XIRP2: variants seen among roughly 807,000 people sequenced by gnomAD.
XIRP2 encodes xin actin-binding repeat-containing protein 2.
Under a neutral mutation model 277.0 loss-of-function variants are expected in XIRP2, and 236 were observed. That is an observed-to-expected ratio of 0.85 (90% confidence interval 0.77 to 0.95). The LOEUF (loss-of-function observed/expected upper bound fraction) is 0.95. Ranked by LOEUF, XIRP2 falls within the 40% of genes least tolerant of loss-of-function variation. XIRP2 has a pLI of 0.00. For missense variants in XIRP2, 4,640 were observed against 4,157.5 expected, an observed-to-expected ratio of 1.12 and a Z score of -3.19; for synonymous variants, 1,490 against 1,416.5, an observed-to-expected ratio of 1.05 and a Z score of -1.17.
chr2:167,126,352 G>A (rs2105309077), intron 2 of XIRP2, among the ~76,000 whole-genome samples: 1 of 152,242 alleles, frequency 6.6e-6, no homozygotes, highest in East Asian at 1.9e-4. Context: ...GGAAAGGTTG[G>A]TCAAGTGCCA....
chr2:166,981,243 C>G (rs939938952), intron 2 of XIRP2, among the ~76,000 whole-genome samples: 2 of 152,072 alleles, frequency 1.3e-5, no homozygotes, highest in African/African-American at 2.4e-5. Flanking sequence ...GTTATCAGGG[C>G]TATGCTCTTT....
intron 2 of XIRP2, among the ~76,000 whole-genome samples, chr2:167,116,650 CTT>C (rs1202341426): frequency 1.3e-5 from 2 of 152,034 alleles, no homozygotes; most frequent in Non-Finnish European, 2.9e-5. Context: ...ATATGTTAGA[CTT>C]TGTGTTTGAA....
chr2:167,036,004 C>A lies in XIRP2; in HGVS notation c.409-99905C>A, dbSNP rs556539304. ...CTACGTAGTGTTGACCCCTTGGGTA[C>A]ACAGAAGTCAAGATTTGAGTTTTGG... On this transcript the variant is annotated intron_variant, in intron 2 of 10. Transcript: ENST00000409195. 2.6e-5 allele frequency among the ~76,000 whole-genome samples: 4 copies of A among 152,314 alleles called. No homozygotes were observed. The East Asian group carries it at 7.7e-4, about 29-fold the overall frequency.
intron 3 of XIRP2, among the ~76,000 whole-genome samples, chr2:167,193,016 G>C (rs1479592): frequency 0.34 from 51,311 of 152,062 alleles, 11,199 homozygotes; most frequent in African/African-American, 0.63. Flanking sequence ...GTCACTGACT[G>C]ATTCTGGAAT....
intron 2 of XIRP2, among the ~76,000 whole-genome samples, chr2:166,913,318 C>CA (rs139652739): frequency 4.0e-5 from 6 of 149,260 alleles, no homozygotes; most frequent in Non-Finnish European, 7.5e-5. Context: ...GCACCCCCCC[C>CA]CCCCAGCCTC....
chr2:167,096,085 CTT>C (rs35975959), intron 2 of XIRP2, among the ~76,000 whole-genome samples: 14 of 149,460 alleles, frequency 9.4e-5, no homozygotes, highest in African/African-American at 2.9e-4. Context: ...GGAAGTCCCT[CTT>C]TTTTTTTATT....
Position 167,251,347 on chromosome 2 carries a change from GTTC to G in XIRP2, c.9956_9958del (p.Val3319_Gln3320delinsGlu). 8.1e-6 allele frequency: 13 copies of G among 1,613,552 alleles called. No homozygotes were observed. The highest frequency in any genetic ancestry group is 1.1e-5 in the Non-Finnish European group (13 of 1,179,678). ...GAGATATGAAGCGGCCAACCGAACT[GTTC>G]AAATGGCTGAAAATTTCGTGAATGA... On this transcript the variant is annotated inframe_deletion, in exon 9 of 11. Transcript: ENST00000409195.
chr2:166,906,556 GCAAA>G (rs1257147190), intron 2 of XIRP2, among the ~76,000 whole-genome samples: 1 of 151,926 alleles, frequency 6.6e-6, no homozygotes, highest in Non-Finnish European at 1.5e-5. Context: ...ATATTTTTCA[GCAAA>G]CAAAGGGGAA....
At chr2:167,070,878 T>C (rs369013986) in intron 2 of XIRP2, among the ~76,000 whole-genome samples, 2 of 152,208 alleles carry the variant, frequency 1.3e-5, no homozygotes, top group African/African-American at 4.8e-5. Context: ...CAACATGTAA[T>C]ACTAACAACT....
At chr2:167,183,530 A>T (rs2105359209) in intron 3 of XIRP2, among the ~76,000 whole-genome samples, 1 of 152,286 alleles carries the variant, frequency 6.6e-6, no homozygotes, top group Admixed American at 6.5e-5. Flanking sequence ...TCTGCTGTTA[A>T]ATCTACCATT....
chr2:167,127,347 G>T (rs1341794829), intron 2 of XIRP2, among the ~76,000 whole-genome samples: 1 of 152,174 alleles, frequency 6.6e-6, no homozygotes, highest in Non-Finnish European at 1.5e-5. Context: ...ACATGATCTG[G>T]TCTAATGAAA....
At chr2:167,068,664 G>C (rs57195645) in intron 2 of XIRP2, among the ~76,000 whole-genome samples, 20,410 of 151,316 alleles carry the variant, frequency 0.13, 2,736 homozygotes, top group African/African-American at 0.35. Context: ...TTTAGCTTGA[G>C]TATTGTATAA....
intron 2 of XIRP2, among the ~76,000 whole-genome samples, chr2:167,016,473 A>G (rs2105478327): frequency 6.6e-6 from 1 of 152,122 alleles, no homozygotes; most frequent in East Asian, 1.9e-4. Context: ...ACAAAACTTC[A>G]TAATTCAGCC....
chr2:167,052,618 G>T (rs1574207344), intron 2 of XIRP2, among the ~76,000 whole-genome samples: 1 of 152,070 alleles, frequency 6.6e-6, no homozygotes, highest in Non-Finnish European at 1.5e-5. Context: ...GTAAAATGAT[G>T]ATTTATTTAC....
chr2:166,941,236 G>A (rs534594354), intron 2 of XIRP2, among the ~76,000 whole-genome samples: 1 of 152,164 alleles, frequency 6.6e-6, no homozygotes, highest in Non-Finnish European at 1.5e-5. Flanking sequence ...CTGTGGGACT[G>A]TCCAAGCCAT....
At chr2:167,127,905 G>T (rs971174756) in intron 2 of XIRP2, among the ~76,000 whole-genome samples, 11 of 152,220 alleles carry the variant, frequency 7.2e-5, no homozygotes, top group Admixed American at 2.6e-4. Context: ...CCCCCTGGGG[G>T]TTCATCCAGA....
At chr2:167,256,458 A>T (rs899694425) in intron 10 of XIRP2, among the ~76,000 whole-genome samples, 1 of 151,274 alleles carries the variant, frequency 6.6e-6, no homozygotes, top group Non-Finnish European at 1.5e-5. Context: ...GATTTCTGGC[A>T]CCTCACTTAT....
At chr2:167,170,666 C>A (rs1411231361) in intron 3 of XIRP2, among the ~76,000 whole-genome samples, 5 of 152,016 alleles carry the variant, frequency 3.3e-5, no homozygotes, top group African/African-American at 1.2e-4. Context: ...ATATTTCAGT[C>A]CTACTACTGA....
chr2:166,919,001 C>T (rs1262323756), intron 2 of XIRP2, among the ~76,000 whole-genome samples: 3 of 152,040 alleles, frequency 2.0e-5, no homozygotes, highest in Non-Finnish European at 4.4e-5. Context: ...AAATACTTAA[C>T]GTAATGTGCA....
Sources: allele counts gnomAD v4.1 joint callset (sites outside exome capture counted in the v4.1 genomes callset), GRCh38; gene constraint gnomAD v4.1.1; transcripts MANE v1.5; gene names NCBI Gene and HGNC (gene_info 2026-07-23, HGNC 2026-07-21).